Variants in FAM117B observed in about 807,000 individuals in gnomAD.
The protein encoded by FAM117B is protein FAM117B.
Under a neutral mutation model 52.8 loss-of-function variants are expected in FAM117B, and 22 were observed. The ratio of observed to expected loss-of-function variants is 0.42; its 90% CI spans 0.30 to 0.59. FAM117B has a LOEUF of 0.59. Ranked by LOEUF, FAM117B falls within the 20% of genes least tolerant of loss-of-function variation. The pLI, the probability that FAM117B is intolerant of heterozygous loss-of-function variation, is 0.22. For synonymous variants in FAM117B, 309 were observed against 324.1 expected (o/e 0.95, Z 0.50); for missense variants, 678 against 802.6 (o/e 0.84, Z 1.88).
chr2:202,662,130 GTGTGTGTGTA>G (rs1690139354), intron 1 of FAM117B, among the ~76,000 whole-genome samples: 1 of 151,660 alleles, frequency 6.6e-6, no homozygotes, highest in Admixed American at 6.6e-5. Flanking sequence ...GTGTGTGTGT[GTGTGTGTGTA>G]TGTGTGTATG....
rs1325709539 is a variant in FAM117B, at chr2:202,768,802, T to C, written c.*3038T>C. ...ATTTTTTTAATTTTATAAAAATTTA[T>C]TTCCATTGCATTAAAAGAAATGGGT... On this transcript the variant is annotated 3_prime_UTR_variant, in exon 8 of 8. Transcript: ENST00000392238. The C allele has an allele frequency of 6.6e-6, 1 of 152,196 alleles. No homozygotes were observed. The highest frequency in any genetic ancestry group is 1.5e-5 in the Non-Finnish European group (1 of 68,012). 9.4% of individuals were successfully genotyped at this position (152,196 alleles called of 1,614,324 possible).
At chr2:202,735,009 T>C (rs543482588) in intron 4 of FAM117B, among the ~76,000 whole-genome samples, 5 of 152,364 alleles carry the variant, frequency 3.3e-5, no homozygotes, top group African/African-American at 1.2e-4. Flanking sequence ...TTTTTTTCTT[T>C]TAAGTGTTTT....
rs775978887 is a variant in FAM117B at position 202,757,368 on chromosome 2, C to T, written c.1260C>T (p.Thr420=). The T allele has an allele frequency of 6.2e-7, 1 of 1,613,976 alleles. No individual in the cohort carries two copies. Among genetic ancestry groups the T allele is most frequent in the African/African-American group, 1.3e-5 (1 of 74,888 alleles). ...SQSVSPTSFL[T]ISNEGSEESP... ...CCGTGTCCCCAACATCGTTCCTCAC[C>T]ATTTCCAATGAAGGTAGCGAGGAGA... The change falls in exon 6 of 8, where the codon ACC becomes ACT. Residue 420 remains threonine, a synonymous_variant. Transcript: ENST00000392238.
At chr2:202,741,416 C>CAAAAAAAAA in intron 4 of FAM117B, among the ~76,000 whole-genome samples, 1 of 34,934 alleles carries the variant, frequency 2.9e-5, no homozygotes, top group Non-Finnish European at 4.6e-5. Flanking sequence ...GACTCTGTCT[C>CAAAAAAAAA]AAAAAAAAAA....
At chr2:202,717,422 A>G (rs1333289229) in intron 2 of FAM117B, among the ~76,000 whole-genome samples, 1 of 152,108 alleles carries the variant, frequency 6.6e-6, no homozygotes, top group African/African-American at 2.4e-5. Flanking sequence ...CAGTGAGCTG[A>G]GATGGTGTCA....
At chr2:202,691,790 A>G (rs1690634206) in intron 1 of FAM117B, among the ~76,000 whole-genome samples, 1 of 152,022 alleles carries the variant, frequency 6.6e-6, no homozygotes, top group South Asian at 2.1e-4. Context: ...AAAATTGTGA[A>G]CATGTATATT....
intron 1 of FAM117B, among the ~76,000 whole-genome samples, chr2:202,662,955 TG>T (rs1388908954): frequency 6.6e-6 from 1 of 152,254 alleles, no homozygotes; most frequent in African/African-American, 2.4e-5. Flanking sequence ...ACTCTTATCC[TG>T]TAAACATGTA....
At chr2:202,667,862 G>A (rs1690229029) in intron 1 of FAM117B, among the ~76,000 whole-genome samples, 1 of 151,954 alleles carries the variant, frequency 6.6e-6, no homozygotes. Flanking sequence ...CTGAACCACA[G>A]AAAAGAGTAG....
At chr2:202,755,798 A>C (rs1372731409) in intron 5 of FAM117B, 117 bp downstream of exon 5, 1 of 1,045,546 alleles carries the variant, frequency 9.6e-7, no homozygotes, top group African/African-American at 1.6e-5. Context: ...GCAAAAATTT[A>C]TCTCTTTTGA....
In FAM117B at chr2:202,668,539, A is replaced by G. The variant is rs193017769; in HGVS notation, c.602-27342A>G. Among the ~76,000 whole-genome samples, 1,334 of 148,354 alleles carry G rather than the reference A, an allele frequency of 9.0e-3. 21 individuals are homozygous for G. The highest frequency in any genetic ancestry group is 0.03 in the African/African-American group (1,238 of 40,724). ...CGAGACTCTCTCTCAAAAAAAAAAA[A>G]AAAAAAAGAAAAAGAAGGTATAGTG... On this transcript the variant is annotated intron_variant, in intron 1 of 7. Transcript: ENST00000392238.
Position 202,752,090 on chromosome 2 carries a change from A to G in FAM117B, c.961-3448A>G, listed in dbSNP as rs72930770. On this transcript the variant is annotated intron_variant, in intron 4 of 7. Transcript: ENST00000392238. ...TAGGAGACACTATATGTGAAAGAAA[A>G]TAAGTGACACTTGAAAAAAATGTGA... is the stretch of plus-strand genomic sequence containing the variant. Among the ~76,000 whole-genome samples, 503 of 152,230 alleles carry G rather than the reference A, an allele frequency of 3.3e-3. 2 individuals are homozygous for G. The highest frequency in any genetic ancestry group is 0.02 in the Middle Eastern group (6 of 294).
At chr2:202,710,324 TAA>T (rs1290104819) in intron 2 of FAM117B, among the ~76,000 whole-genome samples, 2 of 152,174 alleles carry the variant, frequency 1.3e-5, no homozygotes, top group Non-Finnish European at 2.9e-5. Flanking sequence ...TTTCTGTATA[TAA>T]GTCTTTCACT....
intron 4 of FAM117B, among the ~76,000 whole-genome samples, chr2:202,746,863 A>T (rs575630191): frequency 2.6e-5 from 4 of 152,210 alleles, no homozygotes; most frequent in African/African-American, 9.6e-5. Context: ...AAACAATTAT[A>T]GAGGAAGGAG....
intron 4 of FAM117B, among the ~76,000 whole-genome samples, chr2:202,726,569 C>A (rs552406745): frequency 6.6e-6 from 1 of 152,114 alleles, no homozygotes; most frequent in African/African-American, 2.4e-5. Flanking sequence ...GATACGACTT[C>A]TAGGAGACAT....
chr2:202,673,866 C>T (rs1442795684), intron 1 of FAM117B, among the ~76,000 whole-genome samples: 2 of 152,102 alleles, frequency 1.3e-5, no homozygotes, highest in Admixed American at 6.5e-5. Flanking sequence ...TGACTTTTGC[C>T]TGATGACTTT....
intron 7 of FAM117B, 136 bp from the exon 8 acceptor site, chr2:202,765,310 T>G: frequency 1.2e-6 from 1 of 840,548 alleles, no homozygotes; most frequent in Non-Finnish European, 1.8e-6. Flanking sequence ...GGACAGAGCT[T>G]GAGTTTTATA....
intron 1 of FAM117B, among the ~76,000 whole-genome samples, chr2:202,674,053 T>A (rs1690341470): frequency 6.6e-6 from 1 of 152,178 alleles, no homozygotes; most frequent in African/African-American, 2.4e-5. Context: ...ATGTTCTTGT[T>A]TCCTAGGGTT....
intron 1 of FAM117B, among the ~76,000 whole-genome samples, chr2:202,666,613 A>G (rs1690207538): frequency 6.7e-6 from 1 of 150,132 alleles, no homozygotes; most frequent in Non-Finnish European, 1.5e-5. Flanking sequence ...TTCACTTTCT[A>G]CTGTATTCAC....
intron 4 of FAM117B, among the ~76,000 whole-genome samples, chr2:202,730,988 T>C (rs1176727325): frequency 2.0e-5 from 3 of 152,180 alleles, no homozygotes; most frequent in Non-Finnish European, 4.4e-5. Context: ...CCACAAATCA[T>C]ATATCTGATA....
Sources: allele counts gnomAD v4.1 joint callset (sites outside exome capture counted in the v4.1 genomes callset), GRCh38; gene constraint gnomAD v4.1.1; transcripts MANE v1.5; gene names NCBI Gene and HGNC (gene_info 2026-07-23, HGNC 2026-07-21).